MORC4: variants seen among roughly 807,000 people sequenced by gnomAD.
MORC4 encodes the protein MORC family CW-type zinc finger protein 4.
MORC4 carries 22 observed loss-of-function variants against 65.5 expected under a neutral mutation model. The ratio of observed to expected loss-of-function variants is 0.34; its 90% CI spans 0.24 to 0.48. The LOEUF (loss-of-function observed/expected upper bound fraction) is 0.48, where lower values mean the gene tolerates loss of function less well. MORC4 is among the 20% of genes least tolerant of loss of function. The probability of loss-of-function intolerance (pLI) is 0.99; values close to 1 mark genes in which losing one functional copy is unlikely to be tolerated. For missense variants in MORC4, 624 were observed against 703.0 expected, an observed-to-expected ratio of 0.89 and a Z score of 1.27; for synonymous variants, 267 against 255.8, an observed-to-expected ratio of 1.04 and a Z score of -0.42.
Position 106,986,178 on chromosome X carries a change from T to A in MORC4, c.331A>T (p.Ile111Leu). 1 of 1,199,165 alleles carries A rather than the reference T, an allele frequency of 8.3e-7. No individual in the cohort carries two copies. Among genetic ancestry groups the A allele is most frequent in the Non-Finnish European group, 1.1e-6 (1 of 889,070 alleles). Residue 111 changes from isoleucine to leucine, a missense_variant, in exon 4 of 17, where the codon ATA becomes TTA. Coordinates refer to ENST00000355610, the MANE Select transcript of MORC4 (RefSeq NM_024657.5). ...MLSFGFTDKV[I>L]KKSQCPIGVF... is the part of the protein sequence containing the mutation. The stretch of plus-strand genomic sequence containing the variant: ...CCAATGGGACACTGGCTCTTCTTTA[T>A]TACTTTATCTGTAAAGCCAAAGCTG...
chrX:106,993,881 T>C (rs1280085720), intron 2 of MORC4, among the ~76,000 whole-genome samples: 2 of 112,237 alleles, frequency 1.8e-5, no homozygotes, highest in African/African-American at 6.5e-5. Flanking sequence ...GTACTGCCAT[T>C]CCTGTTTATA....
chrX:106,964,045 C>A (rs771797174), intron 9 of MORC4, among the ~76,000 whole-genome samples: 1 of 111,279 alleles, frequency 9.0e-6, no homozygotes, highest in Non-Finnish European at 1.9e-5. Context: ...ATAGAAACCA[C>A]CCCTGAAAAA....
chrX:106,985,696 A>G (rs1934855817), intron 4 of MORC4, among the ~76,000 whole-genome samples: 1 of 110,965 alleles, frequency 9.0e-6, no homozygotes, highest in South Asian at 3.8e-4. Context: ...AAAAAAAGGA[A>G]GGCCTTCGGA....
chrX:106,967,039 G>C (rs1176885743), intron 9 of MORC4, among the ~76,000 whole-genome samples: 2 of 111,718 alleles, frequency 1.8e-5, no homozygotes. Flanking sequence ...CTGACTGGGA[G>C]ACACCTCCCA....
intron 3 of MORC4, among the ~76,000 whole-genome samples, chrX:106,987,757 C>T (rs892963632): frequency 1.8e-5 from 2 of 110,361 alleles, no homozygotes; most frequent in Admixed American, 1.9e-4. Flanking sequence ...AAGCATTATA[C>T]AATAATACCA....
intron 9 of MORC4, among the ~76,000 whole-genome samples, chrX:106,964,045 C>T (rs771797174): frequency 2.7e-5 from 3 of 111,279 alleles, no homozygotes; most frequent in Non-Finnish European, 3.8e-5. Context: ...ATAGAAACCA[C>T]CCCTGAAAAA....
chrX:106,983,368 T>C (rs1178700182), intron 5 of MORC4, among the ~76,000 whole-genome samples: 1 of 112,341 alleles, frequency 8.9e-6, no homozygotes, highest in Non-Finnish European at 1.9e-5. Context: ...CTTTTAATTG[T>C]TAAGTACAGT....
intron 14 of MORC4, among the ~76,000 whole-genome samples, chrX:106,948,232 C>T (rs1262490738): frequency 1.8e-5 from 2 of 111,286 alleles, no homozygotes; most frequent in Non-Finnish European, 3.8e-5. Flanking sequence ...TTTCATTAAC[C>T]TTTTTATTTT....
chrX:106,980,661 A>G (rs1934721854), intron 7 of MORC4, among the ~76,000 whole-genome samples: 1 of 111,569 alleles, frequency 9.0e-6, no homozygotes, highest in Non-Finnish European at 1.9e-5. Flanking sequence ...CAGAATCTCC[A>G]AAGTCTCAAG....
At chrX:106,945,414 T>TGTG (rs1933801045) in intron 14 of MORC4, among the ~76,000 whole-genome samples, 4 of 83,242 alleles carry the variant, frequency 4.8e-5, no homozygotes, top group Non-Finnish European at 9.3e-5. Context: ...ACTTACTACT[T>TGTG]TGTGTGTGTG....
rs756228993 is a variant in MORC4, at chrX:106,957,126, C to G, written c.1386-122G>C. Reference sequence around the variant, plus strand: ...AACATTACAGAGTTCAGATCCCATTCAAATTATAAAACCTTGTTATATGTA... The same window carrying G: ...AACATTACAGAGTTCAGATCCCATTGAAATTATAAAACCTTGTTATATGTA... On this transcript the variant is annotated intron_variant, in intron 11 of 16. Coordinates refer to ENST00000355610, the MANE Select transcript of MORC4 (RefSeq NM_024657.5). 2.2e-5 allele frequency: 8 copies of G among 357,864 alleles called. No homozygotes were observed. In the Admixed American group the frequency reaches 2.2e-4, roughly 10 times the overall value. The allele number at this position is 357,864 out of a possible 1,213,427, so 29.5% of individuals were successfully genotyped here.
chrX:106,975,111 T>C (rs1254403916), intron 9 of MORC4, among the ~76,000 whole-genome samples: 1 of 111,757 alleles, frequency 8.9e-6, no homozygotes, highest in Non-Finnish European at 1.9e-5. Flanking sequence ...ATCTAATGCC[T>C]GTAAAATTTT....
At chrX:106,987,128 T>C (rs746077515) in intron 3 of MORC4, among the ~76,000 whole-genome samples, 7 of 111,695 alleles carry the variant, frequency 6.3e-5, no homozygotes, top group South Asian at 3.8e-4. Context: ...TATAGTTAGA[T>C]AGAAGAAAAA....
chrX:106,941,885 G>A (rs1345297327), intron 16 of MORC4, 53 bp downstream of exon 16: 2 of 1,128,719 alleles, frequency 1.8e-6, no homozygotes, highest in Non-Finnish European at 2.4e-6. Flanking sequence ...GGGGTCCTAA[G>A]GGATGCTTCC....
chrX:106,965,020 AAAAAG>A (rs1353593360), intron 9 of MORC4, among the ~76,000 whole-genome samples: 35 of 111,559 alleles, frequency 3.1e-4, no homozygotes, highest in Non-Finnish European at 5.8e-4. Flanking sequence ...AAAAAAAAAA[AAAAAG>A]AAAGAAAAGA....
intron 3 of MORC4, among the ~76,000 whole-genome samples, chrX:106,991,069 A>G (rs1602508875): frequency 9.0e-6 from 1 of 111,387 alleles, no homozygotes; most frequent in African/African-American, 3.3e-5. Flanking sequence ...TATGATAGGG[A>G]AAATTCTATA....
At chrX:106,954,645 T>C (rs142473352) in intron 14 of MORC4, among the ~76,000 whole-genome samples, 55 of 112,229 alleles carry the variant, frequency 4.9e-4, no homozygotes, top group Admixed American at 2.2e-3. Flanking sequence ...ACTTGCACAA[T>C]TCCCAATATA....
At chrX:106,944,137 A>G (rs896911890) in intron 14 of MORC4, among the ~76,000 whole-genome samples, 2 of 112,530 alleles carry the variant, frequency 1.8e-5, no homozygotes, top group Non-Finnish European at 3.8e-5. Flanking sequence ...TTGCCACCTC[A>G]TAGTACCTCA....
rs1317135318 is a variant in MORC4 at position 106,948,593 on chromosome X, C to T, written c.1686-5388G>A. Among the ~76,000 whole-genome samples, 3 of 111,738 alleles carry T rather than the reference C, an allele frequency of 2.7e-5. No homozygotes were observed. In the East Asian group the frequency reaches 8.4e-4, roughly 31 times the overall value. On this transcript the variant is annotated intron_variant, in intron 14 of 16. Transcript: ENST00000355610. Reference sequence around the variant, plus strand: ...TTGCTTGCTTTCATCCTAAAAAAATCTCTCTAGTATTTCTTGTAAGGCAGG... The same window carrying T: ...TTGCTTGCTTTCATCCTAAAAAAATTTCTCTAGTATTTCTTGTAAGGCAGG...
Sources: allele counts gnomAD v4.1 joint callset (sites outside exome capture counted in the v4.1 genomes callset), GRCh38; gene constraint gnomAD v4.1.1; transcripts MANE v1.5; gene names NCBI Gene and HGNC (gene_info 2026-07-23, HGNC 2026-07-21).